Variants in CTNND2 observed in about 807,000 individuals in gnomAD.
The protein encoded by CTNND2 is catenin delta-2.
Under a neutral mutation model 144.4 loss-of-function variants are expected in CTNND2, and 22 were observed. That is an observed-to-expected ratio of 0.15 (90% CI 0.11 to 0.22). CTNND2 has a LOEUF of 0.22. CTNND2 is among the 10% of genes least tolerant of loss of function. The pLI, the probability that CTNND2 is intolerant of heterozygous loss-of-function variation, is 1.00. For missense variants in CTNND2, 1,353 were observed against 1,618.8 expected (o/e 0.84, Z 2.82); for synonymous variants, 751 against 695.6 (o/e 1.08, Z -1.25).
chr5:11,325,693 T>C (rs1353949198), intron 9 of CTNND2, among the ~76,000 whole-genome samples: 2 of 152,076 alleles, frequency 1.3e-5, no homozygotes, highest in Admixed American at 1.3e-4. Flanking sequence ...CTGGCCTCAT[T>C]ATACCCCCTC....
intron 2 of CTNND2, among the ~76,000 whole-genome samples, chr5:11,586,720 A>G (rs1000588824): frequency 2.0e-5 from 3 of 152,228 alleles, no homozygotes; most frequent in African/African-American, 7.2e-5. Context: ...TGTGAGTCAA[A>G]TGGGCAAATA....
intron 1 of CTNND2, among the ~76,000 whole-genome samples, chr5:11,778,121 T>C (rs1415190723): frequency 6.6e-6 from 1 of 152,038 alleles, no homozygotes; most frequent in African/African-American, 2.4e-5. Flanking sequence ...GGAAGAGACA[T>C]CCTTAACAAC....
chr5:11,464,765 C>T (rs943823980), intron 3 of CTNND2, among the ~76,000 whole-genome samples: 2 of 151,962 alleles, frequency 1.3e-5, no homozygotes, highest in Non-Finnish European at 2.9e-5. Flanking sequence ...ATGTGGGTGA[C>T]AAGATTGGCT....
At chr5:11,726,746 T>C (rs953930235) in intron 2 of CTNND2, among the ~76,000 whole-genome samples, 1 of 152,200 alleles carries the variant, frequency 6.6e-6, no homozygotes, top group South Asian at 2.1e-4. Context: ...CCTAGTCTCT[T>C]TTTTTCCCTT....
intron 3 of CTNND2, among the ~76,000 whole-genome samples, chr5:11,430,248 CAAAAAAAA>C (rs1307787997): frequency 7.8e-5 from 3 of 38,482 alleles, no homozygotes; most frequent in African/African-American, 1.8e-4. Context: ...GACTCCGTCT[CAAAAAAAA>C]AAAAAAAAAA....
chr5:11,167,105 C>A (rs568670716), intron 11 of CTNND2, among the ~76,000 whole-genome samples: 1 of 152,064 alleles, frequency 6.6e-6, no homozygotes, highest in African/African-American at 2.4e-5. Flanking sequence ...AAGGTCGATT[C>A]TTTTAGAATT....
chr5:11,237,546 G>C (rs1370285575), intron 9 of CTNND2, among the ~76,000 whole-genome samples: 1 of 151,794 alleles, frequency 6.6e-6, no homozygotes, highest in African/African-American at 2.4e-5. Flanking sequence ...TGTCACCCAG[G>C]CTGGAGTGCA....
At chr5:11,350,068 C>T (rs776299829) in intron 8 of CTNND2, among the ~76,000 whole-genome samples, 25 of 151,938 alleles carry the variant, frequency 1.6e-4, no homozygotes, top group East Asian at 5.8e-4. Context: ...ACCCGGGAGG[C>T]GGAGGTTGCA....
chr5:11,474,689 A>G (rs1433323289), intron 3 of CTNND2, among the ~76,000 whole-genome samples: 2 of 152,094 alleles, frequency 1.3e-5, no homozygotes, highest in Non-Finnish European at 2.9e-5. Flanking sequence ...AAAAAAATTT[A>G]TTTTTCGCTT....
At chr5:11,669,262 ATGC>A (rs1215586658) in intron 2 of CTNND2, among the ~76,000 whole-genome samples, 1 of 152,146 alleles carries the variant, frequency 6.6e-6, no homozygotes, top group African/African-American at 2.4e-5. Context: ...TGATATCAGG[ATGC>A]TGCTGGCCTA....
intron 1 of CTNND2, among the ~76,000 whole-genome samples, chr5:11,820,189 T>C (rs1793236738): frequency 6.6e-6 from 1 of 152,188 alleles, no homozygotes; most frequent in African/African-American, 2.4e-5. Context: ...TGACACAGTC[T>C]ATGGGAGGCA....
chr5:11,255,233 A>T (rs183587719), intron 9 of CTNND2, among the ~76,000 whole-genome samples: 2 of 152,126 alleles, frequency 1.3e-5, no homozygotes, highest in Admixed American at 6.5e-5. Flanking sequence ...ATTCCTGGGG[A>T]AAAAAAACTC....
intron 2 of CTNND2, among the ~76,000 whole-genome samples, chr5:11,631,340 T>C (rs962791299): frequency 6.6e-6 from 1 of 152,192 alleles, no homozygotes; most frequent in African/African-American, 2.4e-5. Context: ...GACTCCTCTA[T>C]AGCAAGGATC....
rs1297460383 is a variant in CTNND2, at chr5:11,346,525, G to A, written c.1475C>T (p.Ala492Val). 1.6e-5 allele frequency: 25 copies of A among 1,605,088 alleles called. No individual in the cohort carries two copies. Among genetic ancestry groups the A allele is most frequent in the Non-Finnish European group, 2.0e-5 (24 of 1,176,174 alleles). Residue 492 changes from alanine (A) to valine (V), a missense_variant, in exon 9 of 22, where the codon GCC becomes GTC. This residue lies in a region of CTNND2 where 708 missense variants were observed against 706.4 expected (regional missense o/e 1.00). Transcript: ENST00000304623. ...AAATFQRASY[A>V]AGPASNYADP... ...CGCGTAATTGGAGGCTGGGCCGGCG[G>A]CATAGCTGGCCCTCTGGAAGGTGGC...
At chr5:11,890,362 G>C (rs1227678387) in intron 1 of CTNND2, among the ~76,000 whole-genome samples, 1 of 152,170 alleles carries the variant, frequency 6.6e-6, no homozygotes, top group Admixed American at 6.5e-5. Context: ...CTCTCTCTGA[G>C]GATGCCAGGA....
At chr5:11,206,524 T>C (rs542849294) in intron 10 of CTNND2, among the ~76,000 whole-genome samples, 6 of 152,344 alleles carry the variant, frequency 3.9e-5, no homozygotes, top group African/African-American at 9.6e-5. Context: ...AGTCTAATGG[T>C]TTCTATCACT....
At chr5:11,400,470 A>G (rs916380008) in intron 5 of CTNND2, among the ~76,000 whole-genome samples, 1 of 152,166 alleles carries the variant, frequency 6.6e-6, no homozygotes, top group Non-Finnish European at 1.5e-5. Context: ...CCATGATAGA[A>G]TAGTCCTCAG....
At chr5:11,562,814 A>C (rs142201373) in intron 3 of CTNND2, among the ~76,000 whole-genome samples, 1 of 152,392 alleles carries the variant, frequency 6.6e-6, no homozygotes, top group East Asian at 1.9e-4. Context: ...GAATCAAATC[A>C]AATGAGGAAA....
At chr5:11,617,441 A>AT (rs1450210435) in intron 2 of CTNND2, among the ~76,000 whole-genome samples, 1 of 152,176 alleles carries the variant, frequency 6.6e-6, no homozygotes, top group East Asian at 1.9e-4. Context: ...ATGTTGCCAT[A>AT]TTTTAGCTCA....
Sources: allele counts gnomAD v4.1 joint callset (sites outside exome capture counted in the v4.1 genomes callset), GRCh38; gene constraint gnomAD v4.1.1; regional missense constraint gnomAD v4.1.1; transcripts MANE v1.5; gene names NCBI Gene and HGNC (gene_info 2026-07-23, HGNC 2026-07-21).